The following CDK14 variants were observed in gnomAD, a reference collection of about 807,000 sequenced individuals.
CDK14 encodes cyclin-dependent kinase 14.
CDK14 carries 34 observed loss-of-function variants against 60.7 expected under a neutral mutation model. That is an observed-to-expected ratio of 0.56 (90% CI 0.43 to 0.75). The LOEUF (loss-of-function observed/expected upper bound fraction) is 0.75. CDK14 is among the 30% of genes least tolerant of loss of function. The pLI, the probability that CDK14 is intolerant of heterozygous loss-of-function variation, is 0.00. For missense variants in CDK14, 482 were observed against 564.1 expected (o/e 0.85, Z 1.47); for synonymous variants, 197 against 203.7 (o/e 0.97, Z 0.28).
chr7:91,091,671 A>C (rs1184987102), intron 12 of CDK14, among the ~76,000 whole-genome samples: 1 of 148,786 alleles, frequency 6.7e-6, no homozygotes, highest in Admixed American at 6.8e-5. Flanking sequence ...CCTGTCAAAG[A>C]AAAAGAGAAA....
In CDK14 at chr7:90,984,143, T is replaced by C. The variant is rs775648934; in HGVS notation, c.948-5T>C. 1.9e-6 allele frequency: 3 copies of C among 1,586,480 alleles called. No homozygotes were observed. The East Asian group carries it at 6.7e-5, about 35-fold the overall frequency. On this transcript the variant is annotated splice_polypyrimidine_tract_variant and splice_region_variant and intron_variant, in intron 9 of 14. Transcript: ENST00000380050. ...TTTTGTAACGATTCTTTCTTCTCTC[T>C]CTAGGGGAGTAGGTTGCATCTTTGT...
chr7:90,649,629 T>A (rs969988010), intron 2 of CDK14, among the ~76,000 whole-genome samples: 3 of 151,446 alleles, frequency 2.0e-5, no homozygotes, highest in Admixed American at 6.6e-5. Context: ...TCCCACAACA[T>A]GCCCTGGCGA....
intron 14 of CDK14, among the ~76,000 whole-genome samples, chr7:91,176,005 C>T (rs937662743): frequency 1.1e-3 from 163 of 152,318 alleles, no homozygotes; most frequent in Non-Finnish European, 1.9e-3. Context: ...ACAGAATACA[C>T]ATTCTTTTCA....
chr7:91,022,882 A>G (rs376133592), intron 10 of CDK14, among the ~76,000 whole-genome samples: 1 of 152,220 alleles, frequency 6.6e-6, no homozygotes, highest in South Asian at 2.1e-4. Context: ...CCTGCCCACT[A>G]GGAAGCTATG....
intron 8 of CDK14, among the ~76,000 whole-genome samples, chr7:90,946,622 T>C (rs1031199517): frequency 2.0e-5 from 3 of 152,208 alleles, no homozygotes; most frequent in African/African-American, 7.2e-5. Context: ...TAAAAACCTC[T>C]TAGTTCATGT....
chr7:91,007,188 G>A (rs556078935), intron 10 of CDK14, among the ~76,000 whole-genome samples: 7 of 152,304 alleles, frequency 4.6e-5, no homozygotes, highest in Admixed American at 1.3e-4. Context: ...CTTAGTGCCA[G>A]TGTTACTGAC....
chr7:91,052,530 A>T (rs1362725846), intron 11 of CDK14, among the ~76,000 whole-genome samples: 1 of 152,184 alleles, frequency 6.6e-6, no homozygotes, highest in Non-Finnish European at 1.5e-5. Flanking sequence ...TTAGCACTGA[A>T]ATAATGTGTA....
At chr7:90,639,148 T>A (rs535420546) in intron 2 of CDK14, among the ~76,000 whole-genome samples, 47 of 152,364 alleles carry the variant, frequency 3.1e-4, no homozygotes, top group Admixed American at 2.5e-3. Context: ...GTCATTCTCC[T>A]TCCAGCTTTG....
chr7:91,018,539 A>G (rs931000642), intron 10 of CDK14, among the ~76,000 whole-genome samples: 1 of 152,156 alleles, frequency 6.6e-6, no homozygotes, highest in Non-Finnish European at 1.5e-5. Context: ...TTACAAGGGC[A>G]TTGATATGGT....
intron 10 of CDK14, among the ~76,000 whole-genome samples, chr7:91,039,833 C>T (rs1490673818): frequency 6.6e-6 from 1 of 152,162 alleles, no homozygotes; most frequent in African/African-American, 2.4e-5. Context: ...GGCTCACACC[C>T]GTAGTCCTAG....
At chr7:90,635,160 G>C (rs911163626) in intron 2 of CDK14, among the ~76,000 whole-genome samples, 12 of 152,066 alleles carry the variant, frequency 7.9e-5, no homozygotes, top group African/African-American at 2.9e-4. Flanking sequence ...TGTCAATTTT[G>C]GCTTTTGTTG....
intron 2 of CDK14, among the ~76,000 whole-genome samples, chr7:90,625,064 A>G (rs1348308392): frequency 6.6e-6 from 1 of 152,238 alleles, no homozygotes; most frequent in Admixed American, 6.5e-5. Flanking sequence ...ATTCTCTACT[A>G]AAAGTTAATT....
At chr7:90,984,314 G>C in intron 10 of CDK14, 73 bp downstream of exon 10, 2 of 922,458 alleles carry the variant, frequency 2.2e-6, no homozygotes, top group Non-Finnish European at 3.5e-6. Flanking sequence ...TTCTACAGCA[G>C]TCTGTGGAAA....
chr7:91,116,908 C>T (rs1244541452), intron 13 of CDK14, among the ~76,000 whole-genome samples: 1 of 151,620 alleles, frequency 6.6e-6, no homozygotes, highest in Non-Finnish European at 1.5e-5. Flanking sequence ...TGTCCTGGGG[C>T]TGAATCCTCA....
chr7:90,779,734 C>T (rs10255275), intron 4 of CDK14, among the ~76,000 whole-genome samples: 66,131 of 151,942 alleles, frequency 0.44, 15,187 homozygotes, highest in East Asian at 0.82. Flanking sequence ...AACCCCGGAC[C>T]TTATATTACT....
chr7:90,895,339 TCCTC>T (rs1792265748), intron 6 of CDK14, among the ~76,000 whole-genome samples: 8 of 87,980 alleles, frequency 9.1e-5, no homozygotes, highest in East Asian at 3.2e-4. Context: ...TCCTCTCCTC[TCCTC>T]TCCTCTCCTC....
At chr7:90,631,066 T>A (rs1799987665) in intron 2 of CDK14, among the ~76,000 whole-genome samples, 2 of 152,184 alleles carry the variant, frequency 1.3e-5, no homozygotes, top group Admixed American at 6.5e-5. Flanking sequence ...GTGGTGGTAC[T>A]CTGATAGGAT....
intron 5 of CDK14, among the ~76,000 whole-genome samples, chr7:90,809,230 C>T (rs9769479): frequency 0.64 from 97,346 of 151,938 alleles, 31,628 homozygotes; most frequent in East Asian, 0.96. Context: ...AGTAAAGCTC[C>T]CCTTAGCAAC....
chr7:90,747,763 A>G lies in CDK14; in HGVS notation c.452A>G (p.Lys151Arg). 1 of 1,567,056 alleles carries G rather than the reference A, an allele frequency of 6.4e-7. No homozygotes were observed. Among genetic ancestry groups the G allele is most frequent in the Non-Finnish European group, 8.6e-7 (1 of 1,161,480 alleles). ...GAAGGATCTTATGCTACAGTATACA[A>G]AGGGAAAAGCAAGTAAGTTCATTAT... The part of the protein sequence containing the change: ...LGEGSYATVY[K>R]GKSKVNGKLV... The change falls in exon 4 of 15, where the codon AAA (lysine) becomes AGA (arginine). Residue 151 changes from lysine to arginine, a missense_variant. Transcript: ENST00000380050.
Sources: gnomAD v4.1 joint callset for allele counts (sites outside exome capture counted in the v4.1 genomes callset) on GRCh38, gnomAD v4.1.1 for gene constraint, MANE v1.5 for transcripts, NCBI Gene and HGNC (gene_info 2026-07-23, HGNC 2026-07-21) for gene names.